LRP1B: variants seen among roughly 807,000 people sequenced by gnomAD.
LRP1B encodes the protein low-density lipoprotein receptor-related protein 1B.
In LRP1B, 217 loss-of-function variants were observed where a neutral mutation model predicts 556.6. The observed-to-expected ratio is 0.39, with a 90% CI of 0.35 to 0.44. The LOEUF (loss-of-function observed/expected upper bound fraction) is 0.44, where lower values mean the gene tolerates loss of function less well. Ranked by LOEUF, LRP1B falls within the 20% of genes least tolerant of loss-of-function variation. The pLI, the probability that LRP1B is intolerant of heterozygous loss-of-function variation, is 1.00. For missense variants in LRP1B, 5,053 were observed against 5,620.8 expected, an observed-to-expected ratio of 0.90 and a Z score of 3.23; for synonymous variants, 2,047 against 1,865.8, an observed-to-expected ratio of 1.10 and a Z score of -2.50.
chr2:142,064,708 CT>C (rs1705041637), intron 1 of LRP1B, among the ~76,000 whole-genome samples: 1 of 151,548 alleles, frequency 6.6e-6, no homozygotes, highest in South Asian at 2.1e-4. Flanking sequence ...AAAGCATACA[CT>C]GAGTACATGT....
chr2:141,362,795 A>G (rs1688877413), intron 3 of LRP1B, among the ~76,000 whole-genome samples: 1 of 151,766 alleles, frequency 6.6e-6, no homozygotes, highest in Admixed American at 6.6e-5. Context: ...TCTAAAAAGT[A>G]AAAGCATTCA....
chr2:140,295,586 C>A (rs1683566297), intron 84 of LRP1B, among the ~76,000 whole-genome samples: 1 of 152,110 alleles, frequency 6.6e-6, no homozygotes, highest in African/African-American at 2.4e-5. Flanking sequence ...GCGACCTGAG[C>A]CCTGAAGCTA....
intron 3 of LRP1B, among the ~76,000 whole-genome samples, chr2:141,477,275 C>A (rs1244124504): frequency 1.4e-5 from 2 of 145,276 alleles, no homozygotes; most frequent in African/African-American, 5.1e-5. Context: ...GTAAAAATAA[C>A]CGAGTTAGAC....
chr2:141,765,747 G>A (rs1411475400), intron 2 of LRP1B, among the ~76,000 whole-genome samples: 1 of 152,166 alleles, frequency 6.6e-6, no homozygotes, highest in South Asian at 2.1e-4. Context: ...CGCTTATAGA[G>A]CATCTTGTCT....
chr2:140,398,602 T>C (rs1280249871), intron 66 of LRP1B, among the ~76,000 whole-genome samples: 1 of 152,092 alleles, frequency 6.6e-6, no homozygotes, highest in African/African-American at 2.4e-5. Flanking sequence ...CTATCACTCA[T>C]TGTAGTCTCC....
At chr2:141,187,714 G>A (rs1432338980) in intron 7 of LRP1B, among the ~76,000 whole-genome samples, 1 of 151,678 alleles carries the variant, frequency 6.6e-6, no homozygotes, top group Admixed American at 6.6e-5. Flanking sequence ...AAAGATGATG[G>A]GAATTTAAAC....
intron 7 of LRP1B, among the ~76,000 whole-genome samples, chr2:141,180,359 C>A (rs897535272): frequency 1.0e-4 from 13 of 129,538 alleles, no homozygotes; most frequent in Middle Eastern, 9.4e-3. Context: ...AAAAAAAAAA[C>A]AACTAGAAAT....
At chr2:141,568,531 C>T (rs577131481) in intron 2 of LRP1B, among the ~76,000 whole-genome samples, 2 of 151,078 alleles carry the variant, frequency 1.3e-5, no homozygotes, top group Non-Finnish European at 3.0e-5. Flanking sequence ...GGCATTTGAT[C>T]ATGAGTTAAG....
At chr2:141,423,338 T>C (rs549598469) in intron 3 of LRP1B, among the ~76,000 whole-genome samples, 26 of 148,366 alleles carry the variant, frequency 1.8e-4, no homozygotes, top group Non-Finnish European at 3.7e-4. Context: ...TTTCCCACAC[T>C]TGATGCACAG....
intron 71 of LRP1B, among the ~76,000 whole-genome samples, chr2:140,365,808 C>T (rs1490298616): frequency 1.3e-5 from 2 of 151,632 alleles, no homozygotes; most frequent in African/African-American, 2.4e-5. Context: ...ATTTGACTTA[C>T]TGAAGGTATT....
At chr2:141,020,800 A>G (rs368925033) in intron 11 of LRP1B, among the ~76,000 whole-genome samples, 2 of 151,998 alleles carry the variant, frequency 1.3e-5, no homozygotes, top group Admixed American at 6.6e-5. Flanking sequence ...CAAACCCTTT[A>G]TTTTATAAAG....
intron 2 of LRP1B, among the ~76,000 whole-genome samples, chr2:141,694,317 G>T (rs1691654956): frequency 6.6e-6 from 1 of 152,148 alleles, no homozygotes; most frequent in South Asian, 2.1e-4. Flanking sequence ...GGGAGGGAGG[G>T]CACTGAGGAA....
chr2:140,377,086 G>A (rs758044114), intron 68 of LRP1B, among the ~76,000 whole-genome samples: 5 of 151,788 alleles, frequency 3.3e-5, no homozygotes, highest in Non-Finnish European at 7.4e-5. Flanking sequence ...ATCTTTTTTT[G>A]TTGTTGTTGA....
At chr2:140,861,603 T>G (rs1305767071) in intron 27 of LRP1B, among the ~76,000 whole-genome samples, 1 of 152,200 alleles carries the variant, frequency 6.6e-6, no homozygotes, top group African/African-American at 2.4e-5. Context: ...TGAAGGTATT[T>G]TTTTTGGAAT....
intron 11 of LRP1B, among the ~76,000 whole-genome samples, chr2:141,025,036 T>C (rs890554646): frequency 9.9e-5 from 15 of 152,074 alleles, no homozygotes; most frequent in African/African-American, 3.4e-4. Flanking sequence ...CTTTGAGACA[T>C]GCAGAAATGT....
At chr2:141,069,728 G>C (rs962263311) in intron 7 of LRP1B, among the ~76,000 whole-genome samples, 6 of 152,008 alleles carry the variant, frequency 3.9e-5, no homozygotes, top group Admixed American at 3.9e-4. Context: ...CTCATTCTTA[G>C]GCTGTAATTG....
chr2:140,758,261 T>C (rs1473482432), intron 35 of LRP1B, among the ~76,000 whole-genome samples: 1 of 146,652 alleles, frequency 6.8e-6, no homozygotes, highest in East Asian at 2.0e-4. Context: ...AATCATAACA[T>C]AGGAGAGCGT....
At chr2:140,441,905 A>G (rs941085022) in intron 66 of LRP1B, among the ~76,000 whole-genome samples, 1 of 152,228 alleles carries the variant, frequency 6.6e-6, no homozygotes, top group Non-Finnish European at 1.5e-5. Context: ...AATCAAATAC[A>G]TTAAACAAAA....
intron 41 of LRP1B, among the ~76,000 whole-genome samples, chr2:140,667,573 A>G (rs138570459): frequency 3.3e-5 from 5 of 152,342 alleles, no homozygotes; most frequent in African/African-American, 4.8e-5. Context: ...GGTCAACTGG[A>G]AACATTTGAA....
Sources: gnomAD v4.1 joint callset for allele counts (sites outside exome capture counted in the v4.1 genomes callset) on GRCh38, gnomAD v4.1.1 for gene constraint, MANE v1.5 for transcripts, NCBI Gene and HGNC (gene_info 2026-07-23, HGNC 2026-07-21) for gene names.